Variants in XRRA1 observed in about 807,000 individuals in gnomAD.
XRRA1 encodes the protein X-ray radiation resistance associated 1.
Under a neutral mutation model 80.2 loss-of-function variants are expected in XRRA1, and 69 were observed. The ratio of observed to expected loss-of-function variants is 0.86; its 90% confidence interval spans 0.71 to 1.05. The LOEUF (loss-of-function observed/expected upper bound fraction) is 1.05. Ranked by LOEUF, XRRA1 falls within the 50% of genes least tolerant of loss-of-function variation. XRRA1 has a pLI of 0.00. For synonymous variants in XRRA1, 348 were observed against 389.9 expected (o/e 0.89, Z 1.27); for missense variants, 967 against 976.4 (o/e 0.99, Z 0.13).
intron 3 of XRRA1, 24 bp downstream of exon 3, chr11:74,940,761 T>A (rs777543477): frequency 6.4e-7 from 1 of 1,574,190 alleles, no homozygotes; most frequent in African/African-American, 1.3e-5. Context: ...GAGGAAAAGG[T>A]AGCTATTTGA....
chr11:74,887,791 G>C (rs2137077909), intron 10 of XRRA1, among the ~76,000 whole-genome samples: 1 of 152,232 alleles, frequency 6.6e-6, no homozygotes, highest in Non-Finnish European at 1.5e-5. Context: ...CACCTGGCTT[G>C]GAGGATCCTA....
chr11:74,897,189 GAATC>G lies in XRRA1; in HGVS notation c.1003+9046_1003+9049del, dbSNP rs544285238. The stretch of plus-strand genomic sequence containing the variant: ...ACAAACAGATCGAAATAATTAAAAA[GAATC>G]AAGCAGAAATTCTAGAGCTGAAAAA... On this transcript the variant is annotated intron_variant, in intron 10 of 18. Coordinates refer to ENST00000684022, the MANE Select transcript of XRRA1 (RefSeq NM_001378157.1). Among the ~76,000 whole-genome samples, 18 of 151,976 alleles carry G rather than the reference GAATC, an allele frequency of 1.2e-4. No individual in the cohort carries two copies. The South Asian group carries it at 1.5e-3, about 12-fold the overall frequency.
At chr11:74,915,741 T>A (rs1386885232) in intron 8 of XRRA1, among the ~76,000 whole-genome samples, 5 of 152,226 alleles carry the variant, frequency 3.3e-5, no homozygotes, top group Non-Finnish European at 5.9e-5. Context: ...TGCCCATGTA[T>A]TTACCTTTAA....
At chr11:74,849,337 A>G (rs768323763) in intron 14 of XRRA1, among the ~76,000 whole-genome samples, 1 of 152,182 alleles carries the variant, frequency 6.6e-6, no homozygotes, top group Non-Finnish European at 1.5e-5. Flanking sequence ...GTTCCACCCA[A>G]TGAAATGGTG....
intron 5 of XRRA1, among the ~76,000 whole-genome samples, chr11:74,932,908 C>A (rs1159823144): frequency 1.3e-5 from 2 of 152,208 alleles, no homozygotes; most frequent in Non-Finnish European, 2.9e-5. Flanking sequence ...AGAGCCTCTA[C>A]TCTATGGTTT....
intron 7 of XRRA1, among the ~76,000 whole-genome samples, chr11:74,924,473 C>CAA (rs113377290): frequency 4.2e-5 from 4 of 96,128 alleles, no homozygotes; most frequent in African/African-American, 7.2e-5. Context: ...AACTCCGTCT[C>CAA]AAAAAAAAAA....
chr11:74,896,675 G>A (rs969237392), intron 10 of XRRA1, among the ~76,000 whole-genome samples: 7 of 152,168 alleles, frequency 4.6e-5, no homozygotes, highest in Admixed American at 2.0e-4. Context: ...CAGTGGTGGG[G>A]GCCACAGGGG....
intron 12 of XRRA1, among the ~76,000 whole-genome samples, chr11:74,855,401 T>TA (rs1034146986): frequency 1.4e-4 from 22 of 152,118 alleles, no homozygotes; most frequent in African/African-American, 1.9e-4. Context: ...TAAGAATTGA[T>TA]AAAAAAATTG....
rs2054788367 is a variant in XRRA1, at chr11:74,907,165, G to A, written c.765C>T (p.Ala255=). Reference sequence around the variant, plus strand: ...TTTACCTCCTGAGCCCAGCCAGGCTGGCAAAGCAACTGGGGTTGGAGAGTC... The same window carrying A: ...TTTACCTCCTGAGCCCAGCCAGGCTAGCAAAGCAACTGGGGTTGGAGAGTC... ...DNRLSNPSCF[A]SLAGLRRLKK... is the part of the protein sequence containing the mutation. Residue 255 remains alanine, a synonymous_variant, in exon 9 of 19, where the codon GCC becomes GCT. Coordinates refer to ENST00000684022, the MANE Select transcript of XRRA1 (RefSeq NM_001378157.1). 3 of 1,613,762 alleles carry A rather than the reference G, an allele frequency of 1.9e-6. No individual in the cohort carries two copies. The highest frequency in any genetic ancestry group is 1.7e-6 in the Non-Finnish European group (2 of 1,179,886).
intron 8 of XRRA1, among the ~76,000 whole-genome samples, chr11:74,918,084 G>C (rs536702830): frequency 6.6e-6 from 1 of 152,048 alleles, no homozygotes; most frequent in Non-Finnish European, 1.5e-5. Context: ...GTAAAAGCAG[G>C]ACCTTAAAGG....
At chr11:74,947,533 G>A (rs889473206) in intron 1 of XRRA1, among the ~76,000 whole-genome samples, 6 of 151,826 alleles carry the variant, frequency 4.0e-5, no homozygotes, top group African/African-American at 1.2e-4. Flanking sequence ...GTGAGACTCT[G>A]TCTCAAAAAA....
intron 7 of XRRA1, among the ~76,000 whole-genome samples, chr11:74,923,544 T>C (rs1941457436): frequency 6.6e-6 from 1 of 152,154 alleles, no homozygotes; most frequent in Non-Finnish European, 1.5e-5. Flanking sequence ...CTCATGCTTG[T>C]TCTCTCTAAT....
chr11:74,905,441 T>G (rs984119274), intron 10 of XRRA1, among the ~76,000 whole-genome samples: 2 of 152,196 alleles, frequency 1.3e-5, no homozygotes, highest in Non-Finnish European at 2.9e-5. Flanking sequence ...AAACCGTATT[T>G]CTGCTTTGAC....
At chr11:74,869,408 T>C (rs2044251077) in intron 10 of XRRA1, among the ~76,000 whole-genome samples, 1 of 152,082 alleles carries the variant, frequency 6.6e-6, no homozygotes, top group South Asian at 2.1e-4. Context: ...GCCCAAGAAA[T>C]TATTTTTTTC....
intron 10 of XRRA1, among the ~76,000 whole-genome samples, chr11:74,903,429 C>T (rs547669981): frequency 5.3e-5 from 8 of 152,166 alleles, no homozygotes; most frequent in Admixed American, 2.6e-4. Flanking sequence ...CTAGGCTGGG[C>T]GCGGTGGCTC....
intron 6 of XRRA1, among the ~76,000 whole-genome samples, chr11:74,929,906 T>G (rs1198606828): frequency 6.6e-6 from 1 of 152,188 alleles, no homozygotes; most frequent in Non-Finnish European, 1.5e-5. Flanking sequence ...AAGCCAAGTA[T>G]TCACACAGTC....
At chr11:74,889,621 G>A (rs1324916746) in intron 10 of XRRA1, among the ~76,000 whole-genome samples, 1 of 152,150 alleles carries the variant, frequency 6.6e-6, no homozygotes, top group African/African-American at 2.4e-5. Flanking sequence ...ATTCGATAAA[G>A]AGTCAAGAAC....
intron 10 of XRRA1, among the ~76,000 whole-genome samples, chr11:74,879,481 GC>G (rs1203036159): frequency 1.1e-4 from 16 of 151,766 alleles, no homozygotes; most frequent in Non-Finnish European, 1.9e-4. Context: ...AATTGCCCTG[GC>G]CAGAACTTCC....
chr11:74,892,557 G>T (rs1210001450), intron 10 of XRRA1, among the ~76,000 whole-genome samples: 1 of 152,086 alleles, frequency 6.6e-6, no homozygotes, highest in East Asian at 1.9e-4. Flanking sequence ...TGACAAATGG[G>T]ATCTAATTAA....
Sources: allele counts gnomAD v4.1 joint callset (sites outside exome capture counted in the v4.1 genomes callset), GRCh38; gene constraint gnomAD v4.1.1; transcripts MANE v1.5; gene names NCBI Gene and HGNC (gene_info 2026-07-23, HGNC 2026-07-21).